Variants in AKAP8L observed in about 807,000 individuals in gnomAD.
AKAP8L encodes the protein A-kinase anchoring protein 8 like.
In AKAP8L, 34 loss-of-function variants were observed where a neutral mutation model predicts 77.5. The ratio of observed to expected loss-of-function variants is 0.44; its 90% confidence interval spans 0.33 to 0.58. The LOEUF (loss-of-function observed/expected upper bound fraction) is 0.58. Ranked by LOEUF, AKAP8L falls within the 20% of genes least tolerant of loss-of-function variation. AKAP8L has a pLI of 0.02. For synonymous variants in AKAP8L, 342 were observed against 340.7 expected, an observed-to-expected ratio of 1.00 and a Z score of -0.04; for missense variants, 806 against 887.6, an observed-to-expected ratio of 0.91 and a Z score of 1.17.
chr19:15,403,541 A>C lies in AKAP8L; in HGVS notation c.296T>G (p.Leu99Ter). Residue 99 changes from leucine (L) to a stop codon, truncating the protein, a stop_gained, in exon 4 of 14, where the codon TTA becomes TGA. Coordinates refer to ENST00000397410, the MANE Select transcript of AKAP8L (RefSeq NM_014371.4). LOFTEE classifies it high-confidence loss of function. The surrounding 1 kb of genome is among the most constrained non-coding windows in gnomAD (Gnocchi z 4.3). ...TGTCTCCAAATGCGGCACCATATCT[A>C]AGCGCTGGTTAATTCTGGATAAAAC... ...DSVLSRINQR[L>*]DMVPHLETDM... is the part of the protein sequence containing the mutation. 1.2e-6 allele frequency: 2 copies of C among 1,613,900 alleles called. No homozygotes were observed. The highest frequency in any genetic ancestry group is 1.7e-6 in the Non-Finnish European group (2 of 1,179,878).
chr19:15,411,823 G>A (rs747768906), intron 1 of AKAP8L, among the ~76,000 whole-genome samples: 7 of 152,048 alleles, frequency 4.6e-5, no homozygotes, highest in Admixed American at 2.6e-4. Flanking sequence ...GAGGCCAAGG[G>A]GGGGTGGACT....
Position 15,380,587 on chromosome 19 carries a change from G to T in AKAP8L, c.1562C>A (p.Ser521Tyr). 1.2e-6 allele frequency: 2 copies of T among 1,613,702 alleles called. No individual in the cohort carries two copies. Among genetic ancestry groups the T allele is most frequent in the Non-Finnish European group, 1.7e-6 (2 of 1,179,872 alleles). Residue 521 changes from serine (S) to tyrosine (Y), a missense_variant, in exon 13 of 14, where the codon TCC becomes TAC. Ser to Tyr is a moderately radical substitution (Grantham distance 144). This residue lies in a region of AKAP8L where 226 missense variants were observed against 193.5 expected (regional missense o/e 1.17). Coordinates refer to ENST00000397410, the MANE Select transcript of AKAP8L (RefSeq NM_014371.4). ...RRLMMEQSKK[S>Y]SLMVARSILN... is the part of the protein sequence containing the mutation. ...AATACTGCGGGCCACCATGAGGGAG[G>T]ACTTCTTGGACTGCTCCATCATGAG...
At position 15,401,234 on chromosome 19, in the gene AKAP8L, G is replaced by A. The variant is rs765315559; in HGVS notation, c.732C>T (p.Gly244=). 43 of 1,613,256 alleles carry A rather than the reference G, an allele frequency of 2.7e-5. No homozygotes were observed. The highest frequency in any genetic ancestry group is 4.4e-5 in the South Asian group (4 of 91,080). Residue 244 remains glycine (G), a synonymous_variant, in exon 5 of 14, where the codon GGC becomes GGT. Transcript: ENST00000397410. The surrounding 1 kb of genome is among the most constrained non-coding windows in gnomAD (Gnocchi z 6.2). ...CAAACCCGAAACCAAAGCGGGAGCC[G>A]CCCGGGAAGGCGCCCCCACCTCGCA... The part of the protein sequence containing the change: ...QGMRGGGAFP[G]GSRFGFGFGN...
In AKAP8L at chr19:15,401,726, T is replaced by C. The variant is rs1967905446; in HGVS notation, c.363-123A>G. 2.7e-6 allele frequency: 2 copies of C among 745,870 alleles called. No individual in the cohort carries two copies. Among genetic ancestry groups the C allele is most frequent in the South Asian group, 1.9e-5 (1 of 52,964 alleles). 46.2% of individuals were successfully genotyped at this position (745,870 alleles called of 1,614,324 possible). A position where few individuals can be genotyped will look rare whatever the true frequency, so the allele number is the denominator to read the frequency against. On this transcript the variant is annotated intron_variant, in intron 4 of 13. Coordinates refer to ENST00000397410, the MANE Select transcript of AKAP8L (RefSeq NM_014371.4). This position sits in a 1 kb window ranked among gnomAD's most constrained non-coding sequence, Gnocchi z 6.2. Reference sequence around the variant, plus strand: ...ACCCTGCCCTGGTTGGGAGGCTCAATGTTCAGAAATGCCGATTAAAGAGTT... The same window carrying C: ...ACCCTGCCCTGGTTGGGAGGCTCAACGTTCAGAAATGCCGATTAAAGAGTT...
chr19:15,384,732 C>T (rs984059318), intron 12 of AKAP8L, among the ~76,000 whole-genome samples: 9 of 152,174 alleles, frequency 5.9e-5, no homozygotes, highest in East Asian at 1.9e-4. Flanking sequence ...ACTTTTTGTA[C>T]GCTATTTTGA....
intron 7 of AKAP8L, 30 bp from the exon 8 acceptor site, chr19:15,400,388 A>C: frequency 1.3e-6 from 2 of 1,560,496 alleles, no homozygotes; most frequent in Non-Finnish European, 1.7e-6. Flanking sequence ...ACTTTAAAAC[A>C]GGTGCCTTTT....
chr19:15,389,510 C>A (rs1279357753), intron 12 of AKAP8L, among the ~76,000 whole-genome samples: 1 of 152,090 alleles, frequency 6.6e-6, no homozygotes, highest in East Asian at 1.9e-4. Flanking sequence ...TGGTGGCTCA[C>A]GCCTGTAATC....
rs1319984957 is a variant in AKAP8L at position 15,384,131 on chromosome 19, C to A, written c.1537-3519G>T. 2.0e-5 allele frequency among the ~76,000 whole-genome samples: 3 copies of A among 151,494 alleles called. No individual in the cohort carries two copies. The East Asian group carries it at 5.8e-4, about 29-fold the overall frequency. ...TATTTTTAGTAGAGACAGGGTTTCA[C>A]CATCTTGGCCAGGCTGGTCTTGAAC... On this transcript the variant is annotated intron_variant, in intron 12 of 13. Coordinates refer to ENST00000397410, the MANE Select transcript of AKAP8L (RefSeq NM_014371.4).
intron 2 of AKAP8L, among the ~76,000 whole-genome samples, chr19:15,405,888 C>T (rs1301682647): frequency 6.6e-6 from 1 of 151,208 alleles, no homozygotes; most frequent in Non-Finnish European, 1.5e-5. Flanking sequence ...CACCACTGCA[C>T]TACAGGCTAG....
rs991918354 is a variant in AKAP8L, at chr19:15,398,267, T to C, written c.1158-412A>G. On this transcript the variant is annotated intron_variant, in intron 9 of 13. Coordinates refer to ENST00000397410, the MANE Select transcript of AKAP8L (RefSeq NM_014371.4). The surrounding 1 kb of genome is among the most constrained non-coding windows in gnomAD (Gnocchi z 9.2). ...GGTGGCCCTGAGGTGCAGAGTGGAG[T>C]ACGCAGTCCCGAGGCAGGGCCCGAA... The C allele has an allele frequency of 1.8e-5, 4 of 223,778 alleles. No individual in the cohort carries two copies. Among genetic ancestry groups the C allele is most frequent in the East Asian group, 1.0e-4 (1 of 9,618 alleles). The allele number at this position is 223,778 out of a possible 1,614,324, so 13.9% of individuals were successfully genotyped here.
At chr19:15,408,449 G>C (rs185110828) in intron 2 of AKAP8L, among the ~76,000 whole-genome samples, 1 of 151,928 alleles carries the variant, frequency 6.6e-6, no homozygotes, top group African/African-American at 2.4e-5. Flanking sequence ...TGTAATACCA[G>C]CTATTTGGGA....
rs567981055 is a variant in AKAP8L at position 15,415,551 on chromosome 19, C to T, written c.13+3360G>A. ...TGTTGCCCAGGCTGGAGTGCAATGG[C>T]ATGATCATAGCTCAGCAATGTTGAA... On this transcript the variant is annotated intron_variant, in intron 1 of 13. Transcript: ENST00000397410. Among the ~76,000 whole-genome samples the T allele has an allele frequency of 1.7e-4, 26 of 152,216 alleles. No individual in the cohort carries two copies. The East Asian group carries it at 4.7e-3, about 27-fold the overall frequency.
At chr19:15,406,933 C>T (rs929869286) in intron 2 of AKAP8L, among the ~76,000 whole-genome samples, 1 of 152,158 alleles carries the variant, frequency 6.6e-6, no homozygotes, top group African/African-American at 2.4e-5. Flanking sequence ...TTTACTATGC[C>T]TTATGTGGCA....
At chr19:15,400,206 T>A in intron 8 of AKAP8L, 89 bp downstream of exon 8, 2 of 1,400,130 alleles carry the variant, frequency 1.4e-6, no homozygotes, top group Non-Finnish European at 2.0e-6. Context: ...TGGCCGCATG[T>A]CTGCCGCAAC....
At chr19:15,410,729 C>T in intron 1 of AKAP8L, 135 bp from the exon 2 acceptor site, 1 of 656,966 alleles carries the variant, frequency 1.5e-6, no homozygotes, top group Non-Finnish European at 2.7e-6. Flanking sequence ...CTAGATTCCA[C>T]AGTTTAATTA....
intron 1 of AKAP8L, among the ~76,000 whole-genome samples, chr19:15,418,640 T>G (rs1968262869): frequency 6.6e-6 from 1 of 152,148 alleles, no homozygotes; most frequent in African/African-American, 2.4e-5. Context: ...GGCGGAGACC[T>G]CGTGCGCTGA....
At chr19:15,413,288 A>C (rs2145150614) in intron 1 of AKAP8L, among the ~76,000 whole-genome samples, 2 of 152,342 alleles carry the variant, frequency 1.3e-5, no homozygotes, top group South Asian at 4.1e-4. Context: ...GGACATTTAT[A>C]ATCTTTCTTT....
At chr19:15,404,063 G>A in intron 2 of AKAP8L, 21 bp from the exon 3 acceptor site, 1 of 1,612,368 alleles carries the variant, frequency 6.2e-7, no homozygotes, top group Non-Finnish European at 8.5e-7. Context: ...TAAAAGGGCA[G>A]TTACATCTAT....
At chr19:15,407,916 C>A (rs565932235) in intron 2 of AKAP8L, among the ~76,000 whole-genome samples, 1 of 152,300 alleles carries the variant, frequency 6.6e-6, no homozygotes, top group Admixed American at 6.5e-5. Context: ...AATTTATATG[C>A]AAAAGCAAAG....
Sources: gnomAD v4.1 joint callset for allele counts (sites outside exome capture counted in the v4.1 genomes callset) on GRCh38, gnomAD v4.1.1 for gene constraint, gnomAD v4.1.1 regional missense constraint, Gnocchi (gnomAD v3.1) non-coding constraint, MANE v1.5 for transcripts, NCBI Gene and HGNC (gene_info 2026-07-23, HGNC 2026-07-21) for gene names.